Variants in RAB20 observed in about 807,000 individuals in gnomAD.
RAB20 encodes ras-related protein Rab-20.
A neutral mutation model predicts 3.7 loss-of-function variants in RAB20; 2 were observed. That is an observed-to-expected ratio of 0.54 (90% CI 0.22 to 1.69). RAB20 has a LOEUF of 1.69. RAB20 is among the 40% of genes most tolerant of loss of function. The pLI, the probability that RAB20 is intolerant of heterozygous loss-of-function variation, is 0.19. For missense variants in RAB20, 276 were observed against 311.9 expected (o/e 0.88, Z 0.87); for synonymous variants, 126 against 130.8 (o/e 0.96, Z 0.25).
At position 110,561,649 on chromosome 13, in the gene RAB20, C is replaced by G. The variant is rs1566594422; in HGVS notation, c.-130G>C. On this transcript the variant is annotated 5_prime_UTR_variant, in exon 1 of 2. Coordinates refer to ENST00000267328, the MANE Select transcript of RAB20 (RefSeq NM_017817.3). The stretch of plus-strand genomic sequence containing the variant: ...CGGATTCTCGTGAACGCTCCGGGAC[C>G]TTCGCCTCCGGACGCCCGGGAGCTC... 7.1e-7 allele frequency: 1 copy of G among 1,402,900 alleles called. No individual in the cohort carries two copies. The highest frequency in any genetic ancestry group is 9.3e-7 in the Non-Finnish European group (1 of 1,074,362). The allele number at this position is 1,402,900 out of a possible 1,614,324, so 86.9% of individuals were successfully genotyped here. A position where few individuals can be genotyped will look rare whatever the true frequency, so the allele number is the denominator to read the frequency against.
chr13:110,523,169 GAGTC>G lies in RAB20; in HGVS notation c.*492_*495del, dbSNP rs1884359966. On this transcript the variant is annotated 3_prime_UTR_variant, in exon 2 of 2. Coordinates refer to ENST00000267328, the MANE Select transcript of RAB20 (RefSeq NM_017817.3). ...GATTTTGTATAAATGAACACGTCGA[GAGTC>G]AGGATTATAAAGCATCAAGATACAA... 1 of 400,864 alleles carries G rather than the reference GAGTC, an allele frequency of 2.5e-6. No individual in the cohort carries two copies. The highest frequency in any genetic ancestry group is 4.4e-6 in the Non-Finnish European group (1 of 228,106). 24.8% of individuals were successfully genotyped at this position (400,864 alleles called of 1,614,324 possible). A position where few individuals can be genotyped will look rare whatever the true frequency, so the allele number is the denominator to read the frequency against.
At chr13:110,540,785 A>G (rs190466948) in intron 1 of RAB20, among the ~76,000 whole-genome samples, 2 of 99,026 alleles carry the variant, frequency 2.0e-5, no homozygotes, top group East Asian at 7.5e-4. Flanking sequence ...TGTTATGTAT[A>G]TTATACCACA....
chr13:110,545,173 A>G (rs1422842437), intron 1 of RAB20, among the ~76,000 whole-genome samples: 1 of 152,224 alleles, frequency 6.6e-6, no homozygotes, highest in Non-Finnish European at 1.5e-5. Context: ...CACAGTCTCC[A>G]TTAAAAAATA....
intron 1 of RAB20, among the ~76,000 whole-genome samples, chr13:110,546,266 G>A (rs1323346126): frequency 6.6e-6 from 1 of 152,144 alleles, no homozygotes; most frequent in African/African-American, 2.4e-5. Flanking sequence ...CTGGAAATAA[G>A]GTTTATTACT....
At chr13:110,525,519 C>A (rs1256329128) in intron 1 of RAB20, among the ~76,000 whole-genome samples, 5 of 152,234 alleles carry the variant, frequency 3.3e-5, no homozygotes, top group Non-Finnish European at 5.9e-5. Flanking sequence ...CGGCTCCCTG[C>A]CAGTCCACTC....
At chr13:110,546,621 G>T (rs1357994315) in intron 1 of RAB20, among the ~76,000 whole-genome samples, 1 of 152,166 alleles carries the variant, frequency 6.6e-6, no homozygotes, top group Non-Finnish European at 1.5e-5. Context: ...CGTGTGTCAT[G>T]GCATGGTGCT....
At chr13:110,524,768 C>A (rs1471848831) in intron 1 of RAB20, among the ~76,000 whole-genome samples, 14 of 152,214 alleles carry the variant, frequency 9.2e-5, no homozygotes, top group Non-Finnish European at 1.9e-4. Flanking sequence ...CTGCCCTTAT[C>A]TGCCCAGAAT....
At position 110,557,365 on chromosome 13, in the gene RAB20, C is replaced by T. The variant is rs369448010; in HGVS notation, c.172+3983G>A. On this transcript the variant is annotated intron_variant, in intron 1 of 1. Coordinates refer to ENST00000267328, the MANE Select transcript of RAB20 (RefSeq NM_017817.3). The stretch of plus-strand genomic sequence containing the variant: ...ACAGATAGGATGAGGGAAGAATTGT[C>T]GAACAAAGAGGAGCAGGACTTGGTG... 4.6e-5 allele frequency among the ~76,000 whole-genome samples: 7 copies of T among 152,280 alleles called. No individual in the cohort carries two copies. The East Asian group carries it at 9.6e-4, about 21-fold the overall frequency.
intron 1 of RAB20, among the ~76,000 whole-genome samples, chr13:110,538,924 T>C (rs1048534211): frequency 6.6e-6 from 1 of 152,158 alleles, no homozygotes; most frequent in African/African-American, 2.4e-5. Flanking sequence ...CTCTGCTCAA[T>C]TGTACCAAGA....
Position 110,524,003 on chromosome 13 carries a change from AG to A in RAB20, c.366del (p.Leu123TrpfsTer82). On this transcript the variant is annotated frameshift_variant, in exon 2 of 2. Coordinates refer to ENST00000267328, the MANE Select transcript of RAB20 (RefSeq NM_017817.3). LOFTEE classifies it low-confidence loss of function (END_TRUNC). ...GNKVDLTEEG[A>X]LAGQEKEECS... ...CACTCTTCCTTCTCCTGGCCCGCCA[AG>A]GCCCCCTCCTCAGTGAGGTCCACTT... is the stretch of plus-strand genomic sequence containing the variant. 6.2e-7 allele frequency: 1 copy of A among 1,614,068 alleles called. No individual in the cohort carries two copies. The highest frequency in any genetic ancestry group is 8.5e-7 in the Non-Finnish European group (1 of 1,180,004).
chr13:110,543,075 C>T (rs775600896), intron 1 of RAB20, among the ~76,000 whole-genome samples: 13 of 152,160 alleles, frequency 8.5e-5, no homozygotes, highest in Non-Finnish European at 1.8e-4. Context: ...TACCTGTTGG[C>T]CATTTGTATG....
At chr13:110,526,594 A>T (rs553356877) in intron 1 of RAB20, among the ~76,000 whole-genome samples, 1 of 152,190 alleles carries the variant, frequency 6.6e-6, no homozygotes, top group Admixed American at 6.5e-5. Context: ...CCAAATTCAC[A>T]GGGTCCATGA....
At chr13:110,537,826 C>A (rs1189017008) in intron 1 of RAB20, among the ~76,000 whole-genome samples, 2 of 152,116 alleles carry the variant, frequency 1.3e-5, no homozygotes, top group Non-Finnish European at 2.9e-5. Context: ...ATGAGACAAG[C>A]ATGCAGGCCC....
At position 110,539,554 on chromosome 13, in the gene RAB20, TGGG is replaced by T. The variant is rs1376686305; in HGVS notation, c.173-15360_173-15358del. On this transcript the variant is annotated intron_variant, in intron 1 of 1. Transcript: ENST00000267328. ...ATTTTTTGTTTTTTGTTTTTGTTTT[TGGG>T]TTTTTTGTTTTTTTTTTTTGAGATG... is the stretch of plus-strand genomic sequence containing the variant. Among the ~76,000 whole-genome samples, 199 of 139,266 alleles carry T rather than the reference TGGG, an allele frequency of 1.4e-3. 5 individuals are homozygous for T. The highest frequency in any genetic ancestry group is 5.1e-3 in the African/African-American group (168 of 33,038). The allele number at this position is 139,266 out of a possible 152,430, so 91.4% of individuals were successfully genotyped here.
intron 1 of RAB20, among the ~76,000 whole-genome samples, chr13:110,535,724 G>A (rs9652146): frequency 0.046 from 6,974 of 152,286 alleles, 529 homozygotes; most frequent in African/African-American, 0.16. Context: ...CCACGCAGTG[G>A]CTGGCCCAGC....
intron 1 of RAB20, among the ~76,000 whole-genome samples, chr13:110,557,593 C>T (rs1462955531): frequency 1.3e-5 from 2 of 152,242 alleles, no homozygotes; most frequent in Non-Finnish European, 1.5e-5. Context: ...CTGTCACAGC[C>T]TGGCTTCAGG....
intron 1 of RAB20, among the ~76,000 whole-genome samples, chr13:110,546,081 A>G (rs1020629482): frequency 1.4e-5 from 2 of 145,320 alleles, no homozygotes; most frequent in African/African-American, 5.0e-5. Flanking sequence ...GAGAAACCCC[A>G]TGAGATAGGC....
intron 1 of RAB20, among the ~76,000 whole-genome samples, chr13:110,534,013 G>A (rs749775180): frequency 4.6e-5 from 7 of 152,238 alleles, no homozygotes; most frequent in Non-Finnish European, 8.8e-5. Flanking sequence ...TCCACCCACC[G>A]TGATGGGGAA....
intron 1 of RAB20, among the ~76,000 whole-genome samples, chr13:110,531,974 T>C (rs1230847975): frequency 1.3e-5 from 2 of 152,198 alleles, no homozygotes; most frequent in Admixed American, 1.3e-4. Context: ...ATTTCACTCT[T>C]CAGCCTTCCC....
Sources: allele counts gnomAD v4.1 joint callset (sites outside exome capture counted in the v4.1 genomes callset), GRCh38; gene constraint gnomAD v4.1.1; transcripts MANE v1.5; gene names NCBI Gene and HGNC (gene_info 2026-07-23, HGNC 2026-07-21).